The following GADL1 variants were observed in gnomAD, a reference collection of about 807,000 sequenced individuals.
GADL1 encodes the protein GAD like acidic amino acid decarboxylase 1, also known as acidic amino acid decarboxylase GADL1.
Under a neutral mutation model 69.5 loss-of-function variants are expected in GADL1, and 71 were observed. The ratio of observed to expected loss-of-function variants is 1.02; its 90% CI spans 0.84 to 1.25. The LOEUF is 1.25. Among genes scored for constraint, GADL1 ranks in the 50% most tolerant of loss-of-function variants. The pLI is 0.00. For synonymous variants in GADL1, 254 were observed against 214.4 expected (o/e 1.18, Z -1.62); for missense variants, 737 against 631.8 (o/e 1.17, Z -1.79).
intron 6 of GADL1, among the ~76,000 whole-genome samples, chr3:30,846,598 G>C (rs1698062386): frequency 6.6e-6 from 1 of 152,114 alleles, no homozygotes; most frequent in Non-Finnish European, 1.5e-5. Flanking sequence ...TGACTAATTT[G>C]ATTCTCAAGT....
In GADL1 at chr3:30,814,913, G is replaced by A. The variant is rs151061637; in HGVS notation, c.1051-13825C>T. Among the ~76,000 whole-genome samples the A allele has an allele frequency of 8.6e-5, 13 of 151,600 alleles. No individual in the cohort carries two copies. The East Asian group carries it at 2.3e-3, about 27-fold the overall frequency. On this transcript the variant is annotated intron_variant, in intron 11 of 14. Transcript: ENST00000282538. ...TGGGAGGCGGAGATTTCAATGAGCCGAGATTGTGCCACTGCACTCCAGCCT... is the reference window on the plus strand; with the variant it reads ...TGGGAGGCGGAGATTTCAATGAGCCAAGATTGTGCCACTGCACTCCAGCCT...
intron 12 of GADL1, among the ~76,000 whole-genome samples, 176 bp from the exon 13 acceptor site, chr3:30,786,582 T>A (rs1197918955): frequency 3.9e-5 from 6 of 152,198 alleles, no homozygotes; most frequent in Non-Finnish European, 5.9e-5. Flanking sequence ...GTAATTTCCT[T>A]GGCCTGAGTA....
At chr3:30,854,952 A>G (rs550099596) in intron 3 of GADL1, among the ~76,000 whole-genome samples, 163 bp from the exon 4 acceptor site, 59 of 152,282 alleles carry the variant, frequency 3.9e-4, no homozygotes, top group African/African-American at 1.4e-3. Context: ...CAACAAAGCT[A>G]TCTAAGGAGA....
Position 30,728,116 on chromosome 3 carries a change from G to C in GADL1, c.*126C>G, listed in dbSNP as rs1695396423. The C allele has an allele frequency of 1.2e-6, 1 of 800,312 alleles. No individual in the cohort carries two copies. Among genetic ancestry groups the C allele is most frequent in the Non-Finnish European group, 2.0e-6 (1 of 495,208 alleles). 49.6% of individuals were successfully genotyped at this position (800,312 alleles called of 1,614,324 possible). On this transcript the variant is annotated 3_prime_UTR_variant, in exon 15 of 15. Transcript: ENST00000282538. ...ATTGCTTAGCATTTTGGTTTTGCTG[G>C]GCCTGGACTGGGAGTATTCCCTATT...
chr3:30,825,792 G>A (rs959429221), intron 11 of GADL1, among the ~76,000 whole-genome samples: 2 of 151,844 alleles, frequency 1.3e-5, no homozygotes, highest in Non-Finnish European at 2.9e-5. Flanking sequence ...AACAAGGGGA[G>A]GGAGAGCATT....
At chr3:30,744,860 T>A (rs1695677679) in intron 14 of GADL1, among the ~76,000 whole-genome samples, 1 of 152,186 alleles carries the variant, frequency 6.6e-6, no homozygotes, top group African/African-American at 2.4e-5. Context: ...CAACTTTATT[T>A]ACAAAAAAAT....
intron 11 of GADL1, among the ~76,000 whole-genome samples, chr3:30,827,664 G>A (rs1045131038): frequency 6.6e-6 from 1 of 151,798 alleles, no homozygotes. Flanking sequence ...GTTTTTTAAC[G>A]TGATGCACCT....
At chr3:30,783,589 AC>A (rs1341427783) in intron 13 of GADL1, among the ~76,000 whole-genome samples, 1 of 152,182 alleles carries the variant, frequency 6.6e-6, no homozygotes, top group Non-Finnish European at 1.5e-5. Flanking sequence ...AAGCAAAAAG[AC>A]TATCAACTTT....
chr3:30,832,087 C>G (rs1697802191), intron 11 of GADL1, among the ~76,000 whole-genome samples: 1 of 151,666 alleles, frequency 6.6e-6, no homozygotes, highest in South Asian at 2.1e-4. Flanking sequence ...GTAACAGAGG[C>G]AGAAACCAGG....
chr3:30,861,581 T>C lies in GADL1; in HGVS notation c.210+12A>G. ...CCCATTTCTGCAATTTCTTACAGGT[T>C]TTAATTTTTACCTTCTCATTGACAT... On this transcript the variant is annotated intron_variant, in intron 2 of 14. Transcript: ENST00000282538. 6.5e-7 allele frequency: 1 copy of C among 1,537,822 alleles called. No homozygotes were observed. Among genetic ancestry groups the C allele is most frequent in the Non-Finnish European group, 8.8e-7 (1 of 1,139,134 alleles).
chr3:30,772,756 A>T (rs1043141187), intron 14 of GADL1, among the ~76,000 whole-genome samples: 17 of 152,124 alleles, frequency 1.1e-4, no homozygotes, highest in Admixed American at 1.0e-3. Context: ...AGCAGCTGTA[A>T]TCCCAGCAAC....
chr3:30,839,529 G>GAAAAAAAAAAAAAAAAAAATA (rs1491390714), intron 8 of GADL1, among the ~76,000 whole-genome samples: 1 of 133,826 alleles, frequency 7.5e-6, no homozygotes, highest in African/African-American at 2.9e-5. Context: ...AAAAAAAAAG[G>GAAAAAAAAAAAAAAAAAAATA]TTGGAAGACA....
chr3:30,778,302 T>C, intron 13 of GADL1, 34 bp from the exon 14 acceptor site: 1 of 1,326,920 alleles, frequency 7.5e-7, no homozygotes, highest in South Asian at 1.2e-5. Context: ...GTTGTTATCT[T>C]AAGATTTATC....
intron 14 of GADL1, among the ~76,000 whole-genome samples, chr3:30,754,738 AG>A (rs1695924274): frequency 6.6e-6 from 1 of 152,216 alleles, no homozygotes; most frequent in Non-Finnish European, 1.5e-5. Context: ...TTAAGCAGTG[AG>A]ATGTTTACTA....
intron 14 of GADL1, among the ~76,000 whole-genome samples, chr3:30,768,885 C>T (rs1009813967): frequency 2.0e-4 from 30 of 152,118 alleles, no homozygotes; most frequent in African/African-American, 6.5e-4. Flanking sequence ...CAGCTGTGAA[C>T]GAAAACATGA....
intron 14 of GADL1, among the ~76,000 whole-genome samples, chr3:30,752,717 C>T (rs1695855958): frequency 6.6e-6 from 1 of 152,154 alleles, no homozygotes; most frequent in South Asian, 2.1e-4. Context: ...GGAACTTCCC[C>T]CAGCTCTTAG....
intron 1 of GADL1, among the ~76,000 whole-genome samples, chr3:30,864,883 C>T (rs750877415): frequency 6.6e-6 from 1 of 151,994 alleles, no homozygotes. Flanking sequence ...CAACTAACCA[C>T]CTTTCTTCGC....
rs1349018089 is a variant in GADL1 at position 30,726,886 on chromosome 3, A to G, written c.*1356T>C. ...ACCCACTCTCAGGAGAAATGGAGGAAGCATTTACACTGAAAGTCTGCTGAA... is the reference window on the plus strand; with the variant it reads ...ACCCACTCTCAGGAGAAATGGAGGAGGCATTTACACTGAAAGTCTGCTGAA... On this transcript the variant is annotated 3_prime_UTR_variant, in exon 15 of 15. Transcript: ENST00000282538. 1 of 152,512 alleles carries G rather than the reference A, an allele frequency of 6.6e-6. No homozygotes were observed. The highest frequency in any genetic ancestry group is 1.9e-4 in the East Asian group (1 of 5,184). 9.4% of individuals were successfully genotyped at this position (152,512 alleles called of 1,614,324 possible). A position where few individuals can be genotyped will look rare whatever the true frequency, so the allele number is the denominator to read the frequency against.
chr3:30,747,294 G>T (rs1210290119), intron 14 of GADL1, among the ~76,000 whole-genome samples: 1 of 152,182 alleles, frequency 6.6e-6, no homozygotes, highest in Non-Finnish European at 1.5e-5. Context: ...TTTCCAGGGA[G>T]CTGCCTCCAG....
Sources: allele counts gnomAD v4.1 joint callset (sites outside exome capture counted in the v4.1 genomes callset), GRCh38; gene constraint gnomAD v4.1.1; transcripts MANE v1.5; gene names NCBI Gene and HGNC (gene_info 2026-07-23, HGNC 2026-07-21).